PRDM16: variants seen among roughly 807,000 people sequenced by gnomAD.
PRDM16 encodes PR/SET domain 16.
Under a neutral mutation model 110.6 loss-of-function variants are expected in PRDM16, and 23 were observed. The ratio of observed to expected loss-of-function variants is 0.21; its 90% CI spans 0.15 to 0.29. PRDM16 has a LOEUF of 0.29. Ranked by LOEUF, PRDM16 falls within the 10% of genes least tolerant of loss-of-function variation. PRDM16 has a pLI of 1.00. For synonymous variants in PRDM16, 799 were observed against 781.8 expected, an observed-to-expected ratio of 1.02 and a Z score of -0.37; for missense variants, 1,615 against 1,794.3, an observed-to-expected ratio of 0.90 and a Z score of 1.81.
intron 1 of PRDM16, among the ~76,000 whole-genome samples, chr1:3,161,361 A>G (rs1367101448): frequency 6.6e-6 from 1 of 152,198 alleles, no homozygotes; most frequent in Non-Finnish European, 1.5e-5. Context: ...CACACCAAGT[A>G]CAAACCGAGG....
rs1440974817 is a variant in PRDM16, at chr1:3,402,896, A to G, written c.782A>G (p.Tyr261Cys). ...TGTGGCTCAGTGGGGGCTGCGCTCT[A>G]CGAGGGCCTGGCTGAGGAGCTCAAG... Reference protein sequence around the residue: ...YTCGSVGAALYEGLAEELKPE... With the variant: ...YTCGSVGAALCEGLAEELKPE... The change falls in exon 6 of 17, where the codon TAC becomes TGC. Residue 261 changes from tyrosine (Y) to cysteine (C), a missense_variant. Around this residue, in one of 5 missense-constraint regions of PRDM16, gnomAD observed 416 missense variants for 467.1 expected, o/e 0.89. Transcript: ENST00000270722. 6.2e-7 allele frequency: 1 copy of G among 1,612,850 alleles called. No homozygotes were observed. The highest frequency in any genetic ancestry group is 2.2e-5 in the East Asian group (1 of 44,888).
intron 1 of PRDM16, among the ~76,000 whole-genome samples, chr1:3,181,186 AGTCTTACGGTCTTACACACG>A (rs1329773476): frequency 2.1e-5 from 3 of 145,596 alleles, no homozygotes; most frequent in Middle Eastern, 3.5e-3. Context: ...TTACACACGC[AGTCTTACGGTCTTACACACG>A]GTCTTACACA....
At chr1:3,323,485 C>T (rs777458441) in intron 3 of PRDM16, among the ~76,000 whole-genome samples, 6 of 152,352 alleles carry the variant, frequency 3.9e-5, no homozygotes, top group Middle Eastern at 3.4e-3. Context: ...CCACAGCAGG[C>T]GTGGACGGCT....
chr1:3,145,600 C>T (rs1643632923), intron 1 of PRDM16, among the ~76,000 whole-genome samples: 1 of 152,180 alleles, frequency 6.6e-6, no homozygotes, highest in Admixed American at 6.5e-5. Flanking sequence ...TGAAATTCCA[C>T]AGCAGAACAG....
chr1:3,318,775 G>A (rs1641672431), intron 3 of PRDM16, among the ~76,000 whole-genome samples: 1 of 152,140 alleles, frequency 6.6e-6, no homozygotes, highest in South Asian at 2.1e-4. Context: ...GCATCATCTG[G>A]ATGACTAAGG....
At chr1:3,253,081 C>T (rs889055168) in intron 3 of PRDM16, among the ~76,000 whole-genome samples, 12 of 152,238 alleles carry the variant, frequency 7.9e-5, no homozygotes, top group African/African-American at 2.4e-4. Context: ...CCAGGCGCCA[C>T]GTGCTCTGCA....
rs1279926115 is a variant in PRDM16, at chr1:3,295,243, G to A, written c.438+51106G>A. 2.0e-5 allele frequency among the ~76,000 whole-genome samples: 3 copies of A among 152,328 alleles called. No individual in the cohort carries two copies. In the East Asian group the frequency reaches 5.8e-4, roughly 29 times the overall value. On this transcript the variant is annotated intron_variant, in intron 3 of 16. Coordinates refer to ENST00000270722, the MANE Select transcript of PRDM16 (RefSeq NM_022114.4). ...TATCCAGGAAAGGCATCAGGTGGCG[G>A]GCAGGACAGCTGGCTTGCAGGGTGA...
chr1:3,250,476 C>T (rs1045231287), intron 3 of PRDM16, among the ~76,000 whole-genome samples: 1 of 152,122 alleles, frequency 6.6e-6, no homozygotes, highest in Non-Finnish European at 1.5e-5. Flanking sequence ...GCCCCCCCAC[C>T]GCCATTCTAA....
At chr1:3,151,462 G>A (rs1643774466) in intron 1 of PRDM16, among the ~76,000 whole-genome samples, 2 of 152,240 alleles carry the variant, frequency 1.3e-5, no homozygotes, top group Non-Finnish European at 2.9e-5. Flanking sequence ...GCTCACTCTA[G>A]GTAGTTCCAT....
chr1:3,434,848 C>G lies in PRDM16; in HGVS notation c.*1037C>G, dbSNP rs1411031322. ...CAGCGCCGTCCTCTGAAGGCAGGGC[C>G]TTGGCCACGTCCTGGGTCTCCCACC... On this transcript the variant is annotated 3_prime_UTR_variant, in exon 17 of 17. Transcript: ENST00000270722. 8.6e-6 allele frequency: 2 copies of G among 232,112 alleles called. No individual in the cohort carries two copies. The highest frequency in any genetic ancestry group is 1.7e-5 in the Non-Finnish European group (2 of 117,378). 14.4% of individuals were successfully genotyped at this position (232,112 alleles called of 1,614,324 possible).
At chr1:3,250,108 G>T (rs1192971168) in intron 3 of PRDM16, among the ~76,000 whole-genome samples, 1 of 151,764 alleles carries the variant, frequency 6.6e-6, no homozygotes, top group East Asian at 1.9e-4. Context: ...CGCTTCCTCC[G>T]TCTTCTCTCC....
At chr1:3,320,498 C>T (rs905428456) in intron 3 of PRDM16, among the ~76,000 whole-genome samples, 1 of 152,196 alleles carries the variant, frequency 6.6e-6, no homozygotes, top group African/African-American at 2.4e-5. Context: ...CTCCCGGGTT[C>T]TTGGAGAACA....
chr1:3,250,453 C>A (rs1483213245), intron 3 of PRDM16, among the ~76,000 whole-genome samples: 1 of 152,058 alleles, frequency 6.6e-6, no homozygotes, highest in African/African-American at 2.4e-5. Flanking sequence ...ATCAATGTAA[C>A]CCTTTTGCCG....
intron 3 of PRDM16, among the ~76,000 whole-genome samples, chr1:3,336,020 G>T (rs137982292): frequency 6.6e-6 from 1 of 152,334 alleles, no homozygotes; most frequent in East Asian, 1.9e-4. Flanking sequence ...AGGCTGTGAC[G>T]TCTCGACAGC....
chr1:3,206,758 C>T lies in PRDM16; in HGVS notation c.387+20284C>T, dbSNP rs975641201. ...GGCTGGCATGACAAAGAGTGAGCCACCCCATGAAATGGGCCCGGCAAGGTC... is the reference window on the plus strand; with the variant it reads ...GGCTGGCATGACAAAGAGTGAGCCATCCCATGAAATGGGCCCGGCAAGGTC... On this transcript the variant is annotated intron_variant, in intron 2 of 16. Transcript: ENST00000270722. This position sits in a 1 kb window ranked among gnomAD's most constrained non-coding sequence, Gnocchi z 4.9. The T allele has an allele frequency of 6.6e-6, 1 of 152,214 alleles. No individual in the cohort carries two copies. The highest frequency in any genetic ancestry group is 2.4e-5 in the African/African-American group (1 of 41,434). 9.4% of individuals were successfully genotyped at this position (152,214 alleles called of 1,614,324 possible). A position where few individuals can be genotyped will look rare whatever the true frequency, so the allele number is the denominator to read the frequency against.
rs542680450 is a variant in PRDM16, at chr1:3,127,410, C to T, written c.37+58114C>T. On this transcript the variant is annotated intron_variant, in intron 1 of 16. Coordinates refer to ENST00000270722, the MANE Select transcript of PRDM16 (RefSeq NM_022114.4). Reference sequence around the variant, plus strand: ...CCCTCGTGAGATAGATCCCCCACCCCTTCACATTGTGGGTGCAGCCAACGT... The same window carrying T: ...CCCTCGTGAGATAGATCCCCCACCCTTTCACATTGTGGGTGCAGCCAACGT... 2.1e-3 allele frequency among the ~76,000 whole-genome samples: 315 copies of T among 152,344 alleles called. 3 individuals carry two copies. The highest frequency in any genetic ancestry group is 1.9e-3 in the Non-Finnish European group (128 of 68,032).
At chr1:3,220,141 C>T (rs1325251348) in intron 2 of PRDM16, among the ~76,000 whole-genome samples, 2 of 152,230 alleles carry the variant, frequency 1.3e-5, no homozygotes, top group Non-Finnish European at 2.9e-5. Flanking sequence ...CGTGCCCACA[C>T]GCGCCGGGAG....
intron 3 of PRDM16, among the ~76,000 whole-genome samples, chr1:3,249,337 T>C (rs964923690): frequency 2.0e-5 from 3 of 151,926 alleles, no homozygotes; most frequent in Admixed American, 2.0e-4. Flanking sequence ...CTGGTGGGTA[T>C]GGGAACTAGA....
intron 8 of PRDM16, among the ~76,000 whole-genome samples, chr1:3,405,991 G>A (rs1643555579): frequency 6.6e-6 from 1 of 152,138 alleles, no homozygotes; most frequent in South Asian, 2.1e-4. Context: ...CCCGTCCCCC[G>A]AACTCACTCC....
Sources: allele counts gnomAD v4.1 joint callset (sites outside exome capture counted in the v4.1 genomes callset), GRCh38; gene constraint gnomAD v4.1.1; regional missense constraint gnomAD v4.1.1; non-coding constraint Gnocchi (gnomAD v3.1); transcripts MANE v1.5; gene names NCBI Gene and HGNC (gene_info 2026-07-23, HGNC 2026-07-21).